ANKS3: variants seen among roughly 807,000 people sequenced by gnomAD.
The protein encoded by ANKS3 is ankyrin repeat and sterile alpha motif domain containing 3, also known as ankyrin repeat and SAM domain-containing protein 3.
In ANKS3, 62 loss-of-function variants were observed where a neutral mutation model predicts 80.7. The ratio of observed to expected loss-of-function variants is 0.77; its 90% confidence interval spans 0.63 to 0.95. ANKS3 has a LOEUF of 0.95. Ranked by LOEUF, ANKS3 falls within the 40% of genes least tolerant of loss-of-function variation. The pLI, the probability that ANKS3 is intolerant of heterozygous loss-of-function variation, is 0.00. For missense variants in ANKS3, 1,150 were observed against 883.6 expected (o/e 1.30, Z -3.82); for synonymous variants, 489 against 355.3 (o/e 1.38, Z -4.23).
chr16:4,721,001 T>TAAA (rs1403888785), intron 6 of ANKS3, among the ~76,000 whole-genome samples: 1 of 68,516 alleles, frequency 1.5e-5, no homozygotes. Flanking sequence ...CATGCCACCA[T>TAAA]AAAAAAAAAA....
rs540233240 is a variant in ANKS3 at position 4,731,184 on chromosome 16, G to A, written c.-3+328C>T. ...GAGGTTGGGGCAGAGAGGGAATTTG[G>A]GGGACGATAGACCTGTATGACTGTG... On this transcript the variant is annotated intron_variant, in intron 2 of 17. Coordinates refer to ENST00000304283, the MANE Select transcript of ANKS3 (RefSeq NM_133450.4). 3.3e-5 allele frequency among the ~76,000 whole-genome samples: 5 copies of A among 152,310 alleles called. No homozygotes were observed. In the South Asian group the frequency reaches 1.0e-3, roughly 32 times the overall value.
intron 5 of ANKS3, among the ~76,000 whole-genome samples, chr16:4,726,129 C>T (rs898609216): frequency 6.6e-6 from 1 of 151,850 alleles, no homozygotes; most frequent in Admixed American, 6.6e-5. Context: ...GCGCCCGTCA[C>T]CATGCCCAGC....
In ANKS3 at chr16:4,727,052, G is replaced by T; in HGVS notation, c.296C>A (p.Thr99Asn). 6.2e-7 allele frequency: 1 copy of T among 1,614,168 alleles called. No individual in the cohort carries two copies. Among genetic ancestry groups the T allele is most frequent in the Non-Finnish European group, 8.5e-7 (1 of 1,180,038 alleles). ...LEAGVSVNVP[T>N]PEGQTPLMLA... ...CATCAGTGGAGTCTGCCCTTCTGGG[G>T]TCGGCACATTCACACTCACCCCCGC... Residue 99 changes from threonine to asparagine, a missense_variant, in exon 4 of 18, where the codon ACC (threonine) becomes AAC (asparagine). Physicochemically the swap from Thr to Asn is moderately conservative, Grantham distance 65 (BLOSUM62 0). Transcript: ENST00000304283.
intron 6 of ANKS3, among the ~76,000 whole-genome samples, chr16:4,716,019 G>A (rs908773692): frequency 1.3e-5 from 2 of 151,994 alleles, no homozygotes. Context: ...GTGGGTGGGA[G>A]TACCTGCGGT....
intron 1 of ANKS3, among the ~76,000 whole-genome samples, chr16:4,733,225 AG>A (rs1235224995): frequency 2.7e-5 from 4 of 150,340 alleles, no homozygotes; most frequent in African/African-American, 7.3e-5. Flanking sequence ...AAAAAAAAAA[AG>A]ATCTAGTATT....
intron 6 of ANKS3, among the ~76,000 whole-genome samples, chr16:4,721,852 TCTCAAAC>T (rs1376601715): frequency 4.0e-5 from 6 of 151,028 alleles, no homozygotes; most frequent in African/African-American, 1.5e-4. Flanking sequence ...GCCAAGCTGG[TCTCAAAC>T]TCCTGACCTC....
chr16:4,724,626 G>T (rs2081264536), intron 6 of ANKS3, 124 bp downstream of exon 6: 1 of 927,270 alleles, frequency 1.1e-6, no homozygotes, highest in Admixed American at 2.4e-5. Flanking sequence ...TAATGAAAAT[G>T]TGTTGAATAA....
At chr16:4,711,933 A>G (rs1275495277) in intron 7 of ANKS3, among the ~76,000 whole-genome samples, 1 of 152,190 alleles carries the variant, frequency 6.6e-6, no homozygotes, top group East Asian at 1.9e-4. Context: ...GTTTCATGGG[A>G]GGATTCTATC....
intron 8 of ANKS3, among the ~76,000 whole-genome samples, chr16:4,704,169 A>T (rs2080067329): frequency 6.6e-6 from 1 of 152,200 alleles, no homozygotes; most frequent in Non-Finnish European, 1.5e-5. Flanking sequence ...TCCCAGGATG[A>T]TGGGAGAAGG....
chr16:4,730,239 G>T, intron 2 of ANKS3, 88 bp from the exon 3 acceptor site: 1 of 1,275,234 alleles, frequency 7.8e-7, no homozygotes, highest in South Asian at 2.0e-5. Context: ...CTACACCACT[G>T]CACTAGCAGA....
chr16:4,707,468 G>A (rs2080259463), intron 7 of ANKS3, among the ~76,000 whole-genome samples: 1 of 151,914 alleles, frequency 6.6e-6, no homozygotes, highest in Non-Finnish European at 1.5e-5. Flanking sequence ...TTTGAGTAGA[G>A]ACAAGGTTTC....
chr16:4,717,886 T>C (rs1225179198), intron 6 of ANKS3, among the ~76,000 whole-genome samples: 1 of 151,770 alleles, frequency 6.6e-6, no homozygotes, highest in Non-Finnish European at 1.5e-5. Context: ...ACCTCTGCCT[T>C]CCGGGTTCAA....
At chr16:4,733,506 G>A (rs1048895548) in intron 1 of ANKS3, among the ~76,000 whole-genome samples, 4 of 152,026 alleles carry the variant, frequency 2.6e-5, no homozygotes, top group Non-Finnish European at 5.9e-5. Context: ...TGGCCAGGCT[G>A]GTCTCAAATC....
At chr16:4,701,600 G>C (rs576765803) in intron 9 of ANKS3, 57 bp from the exon 10 acceptor site, 3 of 1,495,786 alleles carry the variant, frequency 2.0e-6, no homozygotes, top group African/African-American at 2.8e-5. Context: ...GCTGCGCATG[G>C]GCGTGCCCCG....
chr16:4,697,563 G>A (rs775428643), intron 15 of ANKS3, 147 bp from the exon 16 acceptor site: 47 of 658,658 alleles, frequency 7.1e-5, no homozygotes, highest in Admixed American at 6.2e-4. Context: ...TCCCAAGGCC[G>A]AGGCAGGGAA....
At chr16:4,706,411 A>AT (rs1280579424) in intron 7 of ANKS3, among the ~76,000 whole-genome samples, 5 of 151,200 alleles carry the variant, frequency 3.3e-5, no homozygotes, top group African/African-American at 4.9e-5. Context: ...TTGTTTTTGT[A>AT]TTTTTAGTAG....
At position 4,701,525 on chromosome 16, in the gene ANKS3, G is replaced by A. The variant is rs1444588999; in HGVS notation, c.1028C>T (p.Ala343Val). 4 of 1,610,582 alleles carry A rather than the reference G, an allele frequency of 2.5e-6. No homozygotes were observed. The highest frequency in any genetic ancestry group is 3.3e-5 in the Admixed American group (2 of 59,882). ...GCTGCTCTGGACGGGCCCCAGGTTG[G>A]CACAGAAAGCATGTTCCTCTGAGGG... ...SSSREEHAFC[A>V]NLGPVQSSSS... Residue 343 changes from alanine (A) to valine (V), a missense_variant, in exon 10 of 18, where the codon GCC (alanine) becomes GTC (valine). Transcript: ENST00000304283.
chr16:4,733,224 A>C (rs796287298), intron 1 of ANKS3, among the ~76,000 whole-genome samples: 56 of 151,470 alleles, frequency 3.7e-4, no homozygotes, highest in African/African-American at 1.2e-3. Flanking sequence ...AAAAAAAAAA[A>C]AGATCTAGTA....
chr16:4,698,749 G>C, intron 13 of ANKS3, 51 bp downstream of exon 13: 3 of 1,557,732 alleles, frequency 1.9e-6, no homozygotes, highest in Non-Finnish European at 2.6e-6. Flanking sequence ...CAGAGATGGA[G>C]CCAACTCACG....
Sources: gnomAD v4.1 joint callset for allele counts (sites outside exome capture counted in the v4.1 genomes callset) on GRCh38, gnomAD v4.1.1 for gene constraint, MANE v1.5 for transcripts, NCBI Gene and HGNC (gene_info 2026-07-23, HGNC 2026-07-21) for gene names.